Variants in ADGRV1 observed in about 807,000 individuals in gnomAD.
ADGRV1 encodes G-protein coupled receptor 98.
ADGRV1 carries 359 observed loss-of-function variants against 596.2 expected under a neutral mutation model. The observed-to-expected ratio is 0.60, with a 90% CI of 0.55 to 0.66. The LOEUF is 0.66. Among genes scored for constraint, ADGRV1 ranks in the 30% least tolerant of loss-of-function variants. The pLI is 0.00. For synonymous variants in ADGRV1, 2,681 were observed against 2,679.2 expected, an observed-to-expected ratio of 1.00 and a Z score of -0.02; for missense variants, 7,274 against 7,575.6, an observed-to-expected ratio of 0.96 and a Z score of 1.48.
At chr5:90,982,679 T>C (rs921886640) in intron 84 of ADGRV1, among the ~76,000 whole-genome samples, 3 of 152,234 alleles carry the variant, frequency 2.0e-5, no homozygotes, top group African/African-American at 7.2e-5. Flanking sequence ...TATGTCCACT[T>C]ACTTCAGTCG....
intron 87 of ADGRV1, among the ~76,000 whole-genome samples, chr5:91,108,079 A>T (rs939655956): frequency 1.3e-5 from 2 of 152,216 alleles, no homozygotes; most frequent in Non-Finnish European, 2.9e-5. Context: ...GTTGGTTGTT[A>T]CCTGGCGCAC....
At chr5:90,960,252 G>A (rs1777899994) in intron 83 of ADGRV1, among the ~76,000 whole-genome samples, 1 of 151,992 alleles carries the variant, frequency 6.6e-6, no homozygotes, top group Non-Finnish European at 1.5e-5. Context: ...TGATGCATGG[G>A]TTCATTATTT....
chr5:90,888,363 T>C lies in ADGRV1; in HGVS notation c.17856+24506T>C, dbSNP rs192017279. ...GAGTTCTTAAAGAGAAAAAGTTTTT[T>C]TTTGTTTTTGCATTTGCATCATTAG... On this transcript the variant is annotated intron_variant, in intron 83 of 89. Transcript: ENST00000405460. Among the ~76,000 whole-genome samples the C allele has an allele frequency of 1.8e-4, 27 of 152,302 alleles. No individual in the cohort carries two copies. The East Asian group carries it at 2.7e-3, about 15-fold the overall frequency.
intron 45 of ADGRV1, among the ~76,000 whole-genome samples, chr5:90,721,571 T>A (rs1271544691): frequency 0.019 from 2,605 of 135,086 alleles, 347 homozygotes; most frequent in African/African-American, 0.07. Context: ...TAAAATAAAA[T>A]AAAATAAAAT....
intron 84 of ADGRV1, among the ~76,000 whole-genome samples, chr5:90,985,129 CTG>C (rs1432537315): frequency 6.6e-6 from 1 of 152,092 alleles, no homozygotes; most frequent in African/African-American, 2.4e-5. Context: ...AAATATTTCC[CTG>C]TGTTTCCAGA....
At chr5:91,035,863 A>T (rs868432691) in intron 85 of ADGRV1, among the ~76,000 whole-genome samples, 3 of 104,038 alleles carry the variant, frequency 2.9e-5, no homozygotes, top group African/African-American at 6.9e-5. Flanking sequence ...TATATATATT[A>T]TATATATATA....
chr5:90,812,198 T>A (rs923000317), intron 74 of ADGRV1, among the ~76,000 whole-genome samples: 5 of 152,140 alleles, frequency 3.3e-5, no homozygotes, highest in African/African-American at 1.2e-4. Flanking sequence ...AGTGCTGGGA[T>A]TACAGGCGTG....
At chr5:90,973,415 A>G (rs1028275879) in intron 84 of ADGRV1, among the ~76,000 whole-genome samples, 1 of 152,190 alleles carries the variant, frequency 6.6e-6, no homozygotes, top group African/African-American at 2.4e-5. Context: ...ACAATTTTAG[A>G]CCAATATCCC....
chr5:90,823,072 C>T (rs370454654), intron 75 of ADGRV1, among the ~76,000 whole-genome samples: 2 of 152,188 alleles, frequency 1.3e-5, no homozygotes, highest in African/African-American at 4.8e-5. Flanking sequence ...ATGTCATCTG[C>T]AAACAGGGAC....
chr5:90,864,908 G>T (rs1354572788), intron 83 of ADGRV1, among the ~76,000 whole-genome samples: 1 of 152,116 alleles, frequency 6.6e-6, no homozygotes, highest in Non-Finnish European at 1.5e-5. Context: ...TTATTGTGCT[G>T]TAGACATGAT....
Position 90,647,766 on chromosome 5 carries a change from T to C in ADGRV1, c.3289+2T>C. ...ATATAATCCTCTTGAATTCAACAGG[T>C]AAGTAAATTATGCTTTTTTATGGCA... On this transcript the variant is annotated splice_donor_variant, in intron 17 of 89. Coordinates refer to ENST00000405460, the MANE Select transcript of ADGRV1 (RefSeq NM_032119.4). LOFTEE classifies it high-confidence loss of function. 3 of 1,608,976 alleles carry C rather than the reference T, an allele frequency of 1.9e-6. No homozygotes were observed. Among genetic ancestry groups the C allele is most frequent in the Non-Finnish European group, 2.5e-6 (3 of 1,176,966 alleles).
At chr5:90,947,229 A>G (rs1017106329) in intron 83 of ADGRV1, among the ~76,000 whole-genome samples, 2 of 152,076 alleles carry the variant, frequency 1.3e-5, no homozygotes, top group Non-Finnish European at 2.9e-5. Flanking sequence ...GCATTTCTCT[A>G]ACAATCAGTG....
intron 34 of ADGRV1, among the ~76,000 whole-genome samples, chr5:90,698,902 G>A (rs1415978307): frequency 6.6e-6 from 1 of 152,106 alleles, no homozygotes; most frequent in Admixed American, 6.6e-5. Flanking sequence ...AGTAATCAGT[G>A]TGTCTCATAC....
chr5:91,019,645 AC>A (rs1328353811), intron 85 of ADGRV1, among the ~76,000 whole-genome samples: 1 of 151,908 alleles, frequency 6.6e-6, no homozygotes, highest in African/African-American at 2.4e-5. Flanking sequence ...AAGTCTGATG[AC>A]TTGGAAACTG....
At chr5:91,123,434 A>G (rs1166662058) in intron 87 of ADGRV1, among the ~76,000 whole-genome samples, 1 of 152,170 alleles carries the variant, frequency 6.6e-6, no homozygotes, top group Non-Finnish European at 1.5e-5. Context: ...GTGTCCTCAC[A>G]TGGCAGAAGA....
At chr5:90,814,896 T>C (rs1762756962) in intron 74 of ADGRV1, among the ~76,000 whole-genome samples, 1 of 152,198 alleles carries the variant, frequency 6.6e-6, no homozygotes, top group African/African-American at 2.4e-5. Flanking sequence ...TGCAGTGGTA[T>C]TTCTCTAGTC....
intron 77 of ADGRV1, among the ~76,000 whole-genome samples, chr5:90,838,280 T>G (rs1765137117): frequency 6.6e-6 from 1 of 152,186 alleles, no homozygotes; most frequent in East Asian, 1.9e-4. Flanking sequence ...ATCAATCACT[T>G]CCTCCTTCCT....
At chr5:91,039,564 G>A (rs1785168831) in intron 85 of ADGRV1, among the ~76,000 whole-genome samples, 1 of 152,322 alleles carries the variant, frequency 6.6e-6, no homozygotes, top group South Asian at 2.1e-4. Flanking sequence ...TCCACAAGAA[G>A]AGGGGATTTT....
intron 35 of ADGRV1, 41 bp from the exon 36 acceptor site, chr5:90,704,348 C>T: frequency 8.4e-7 from 1 of 1,197,212 alleles, no homozygotes; most frequent in South Asian, 1.4e-5. Flanking sequence ...AGTTCATATT[C>T]AATAACGACA....
Sources: gnomAD v4.1 joint callset for allele counts (sites outside exome capture counted in the v4.1 genomes callset) on GRCh38, gnomAD v4.1.1 for gene constraint, MANE v1.5 for transcripts, NCBI Gene and HGNC (gene_info 2026-07-23, HGNC 2026-07-21) for gene names.